Variants in DRC3 observed in about 807,000 individuals in gnomAD.
The protein encoded by DRC3 is leucine rich repeat containing 48.
Under a neutral mutation model 57.6 loss-of-function variants are expected in DRC3, and 45 were observed. The ratio of observed to expected loss-of-function variants is 0.78; its 90% CI spans 0.62 to 1.00. The LOEUF (loss-of-function observed/expected upper bound fraction) is 1.00. Among genes scored for constraint, DRC3 ranks in the 50% least tolerant of loss-of-function variants. The pLI, the probability that DRC3 is intolerant of heterozygous loss-of-function variation, is 0.00. For synonymous variants in DRC3, 257 were observed against 272.3 expected (o/e 0.94, Z 0.55); for missense variants, 655 against 675.2 (o/e 0.97, Z 0.33).
At chr17:18,013,375 A>G (rs1315830113) in intron 12 of DRC3, among the ~76,000 whole-genome samples, 1 of 152,232 alleles carries the variant, frequency 6.6e-6, no homozygotes, top group Non-Finnish European at 1.5e-5. Flanking sequence ...TGTTCGCAAT[A>G]ACAAGATACA....
chr17:17,979,439 C>G (rs1157342877), intron 3 of DRC3, among the ~76,000 whole-genome samples: 3 of 152,304 alleles, frequency 2.0e-5, no homozygotes, highest in African/African-American at 7.2e-5. Flanking sequence ...GTAAGATGGC[C>G]ACTGCTGTAC....
intron 8 of DRC3, among the ~76,000 whole-genome samples, 183 bp downstream of exon 8, chr17:17,995,294 G>A (rs2043413391): frequency 6.6e-6 from 1 of 152,246 alleles, no homozygotes; most frequent in African/African-American, 2.4e-5. Context: ...CTGCATGGGG[G>A]AGATGCTGTC....
chr17:18,012,729 CAA>C (rs1332223038), intron 12 of DRC3, among the ~76,000 whole-genome samples: 1 of 150,260 alleles, frequency 6.7e-6, no homozygotes, highest in African/African-American at 2.4e-5. Context: ...CAGAAGAAAA[CAA>C]GAGAAATGCT....
chr17:17,989,770 G>A (rs1254048651), intron 5 of DRC3, among the ~76,000 whole-genome samples: 1 of 152,214 alleles, frequency 6.6e-6, no homozygotes, highest in Non-Finnish European at 1.5e-5. Context: ...GAGACCCCAG[G>A]GGGATTAACT....
chr17:18,014,900 C>T (rs1157157300), intron 12 of DRC3, among the ~76,000 whole-genome samples: 5 of 152,180 alleles, frequency 3.3e-5, no homozygotes, highest in African/African-American at 1.2e-4. Flanking sequence ...TGACATTTCT[C>T]CCTTGTGACT....
chr17:17,973,999 T>C (rs2042264058), intron 2 of DRC3, 37 bp downstream of exon 2: 1 of 152,268 alleles, frequency 6.6e-6, no homozygotes, highest in African/African-American at 2.4e-5. Flanking sequence ...TGGTAAACTA[T>C]AAGATCCCCA....
At chr17:17,986,466 CTTTTTTTTTTTT>C (rs35727404) in intron 4 of DRC3, among the ~76,000 whole-genome samples, 1 of 133,270 alleles carries the variant, frequency 7.5e-6, no homozygotes, top group Non-Finnish European at 1.6e-5. Context: ...CCCAAATCAC[CTTTTTTTTTTTT>C]TTTTTTTTGG....
intron 13 of DRC3, 66 bp from the exon 14 acceptor site, chr17:18,016,492 G>A: frequency 8.3e-7 from 1 of 1,198,588 alleles, no homozygotes; most frequent in African/African-American, 1.5e-5. Context: ...CCCTCAAACT[G>A]GATTCAGTGA....
chr17:18,006,162 T>C, intron 10 of DRC3, 21 bp from the exon 11 acceptor site: 2 of 1,576,332 alleles, frequency 1.3e-6, no homozygotes, highest in Non-Finnish European at 1.7e-6. Flanking sequence ...GCATGTTAAC[T>C]GTGTTCTTTA....
intron 5 of DRC3, 165 bp downstream of exon 5, chr17:17,988,263 G>GT: frequency 2.7e-6 from 2 of 735,352 alleles, no homozygotes; most frequent in South Asian, 3.9e-5. Context: ...ATTTGCTCAT[G>GT]TTTAAATACC....
Position 17,972,955 on chromosome 17 carries a change from A to G in DRC3, c.-148A>G, listed in dbSNP as rs1229521380. ...ACGCGTCTGCTGCGTGGAACCGCCG[A>G]GTTCCCAGCGCTTGAGAAGGTGAGA... On this transcript the variant is annotated 5_prime_UTR_variant, in exon 1 of 14. Transcript: ENST00000399187. 1 of 152,428 alleles carries G rather than the reference A, an allele frequency of 6.6e-6. No homozygotes were observed. Among genetic ancestry groups the G allele is most frequent in the East Asian group, 1.9e-4 (1 of 5,182 alleles). The allele number at this position is 152,428 out of a possible 1,614,324, so 9.4% of individuals were successfully genotyped here.
intron 3 of DRC3, among the ~76,000 whole-genome samples, chr17:17,980,243 GTTTT>G (rs925462163): frequency 6.7e-6 from 1 of 148,672 alleles, no homozygotes; most frequent in Non-Finnish European, 1.5e-5. Context: ...TGGACTGTAT[GTTTT>G]TTTTTTGTTT....
rs766308317 is a variant in DRC3 at position 18,006,193 on chromosome 17, A to G, written c.1142A>G (p.Asn381Ser). The change falls in exon 11 of 14, where the codon AAC becomes AGC. Residue 381 changes from asparagine to serine, a missense_variant. Physicochemically the swap from Asn to Ser is conservative, Grantham distance 46. Coordinates refer to ENST00000399187, the MANE Select transcript of DRC3 (RefSeq NM_031294.4). ...CTTTAACATTTCCAGGAGACTATAA[A>G]CATGTTTGAAAGGAACATTGTTGAC... Reference protein sequence around the residue: ...QLVEQLEETINMFERNIVDMV... With the variant: ...QLVEQLEETISMFERNIVDMV... 1.2e-6 allele frequency: 2 copies of G among 1,610,848 alleles called. No homozygotes were observed. Among genetic ancestry groups the G allele is most frequent in the Non-Finnish European group, 1.7e-6 (2 of 1,177,474 alleles).
At chr17:17,988,352 C>T (rs1256238208) in intron 5 of DRC3, 2 of 501,700 alleles carry the variant, frequency 4.0e-6, no homozygotes, top group Non-Finnish European at 7.2e-6. Flanking sequence ...CTGTGTCTTG[C>T]ACTTATTTAA....
chr17:17,996,875 G>T (rs1369395034), intron 8 of DRC3, among the ~76,000 whole-genome samples: 3 of 152,194 alleles, frequency 2.0e-5, no homozygotes, highest in Admixed American at 2.0e-4. Context: ...AGGACTCCGT[G>T]TCGCAGGCCC....
At position 18,004,379 on chromosome 17, in the gene DRC3, G is replaced by C; in HGVS notation, c.1016G>C (p.Arg339Pro). The change falls in exon 10 of 14, where the codon CGA (arginine) becomes CCA (proline). Residue 339 changes from arginine to proline, a missense_variant. Transcript: ENST00000399187. ...EKHLSSLSAI[R>P]EELELPNIEK... ...TGTTTCTAGAGTTTAAGTGCCATTC[G>C]AGAGGAGTTGGAACTGCCCAACATT... 3 of 1,604,846 alleles carry C rather than the reference G, an allele frequency of 1.9e-6. No homozygotes were observed. The highest frequency in any genetic ancestry group is 2.6e-6 in the Non-Finnish European group (3 of 1,175,216).
At chr17:17,983,410 CAG>C (rs1272827075) in intron 3 of DRC3, among the ~76,000 whole-genome samples, 2 of 152,190 alleles carry the variant, frequency 1.3e-5, no homozygotes, top group Admixed American at 1.3e-4. Context: ...CTCCTACCAA[CAG>C]AGACACATGT....
In DRC3 at chr17:17,994,384, A is replaced by G; in HGVS notation, c.677A>G (p.Glu226Gly). 6.4e-7 allele frequency: 1 copy of G among 1,554,272 alleles called. No individual in the cohort carries two copies. The highest frequency in any genetic ancestry group is 8.7e-7 in the Non-Finnish European group (1 of 1,148,738). The change falls in exon 7 of 14, where the codon GAG (glutamate) becomes GGG (glycine). Residue 226 changes from glutamate to glycine, a missense_variant. By Grantham distance (98) the Glu-to-Gly change is moderately conservative. Transcript: ENST00000399187. ...ENLMQAQLED[E>G]QAQREELEKH... is the part of the protein sequence containing the mutation. ...CTGATGCAGGCCCAGCTGGAGGACG[A>G]GCAGGCGCAGCGGGAGGAGCTAGAG...
At chr17:18,006,812 G>C in intron 11 of DRC3, 1 of 620,754 alleles carries the variant, frequency 1.6e-6, no homozygotes, top group Non-Finnish European at 2.7e-6. Context: ...AGAGAAGAGT[G>C]TGATGGCAGG....
Sources: allele counts gnomAD v4.1 joint callset (sites outside exome capture counted in the v4.1 genomes callset), GRCh38; gene constraint gnomAD v4.1.1; transcripts MANE v1.5; gene names NCBI Gene and HGNC (gene_info 2026-07-23, HGNC 2026-07-21).